Variants in WDR49 observed in about 807,000 individuals in gnomAD.
The protein encoded by WDR49 is cilia- and flagella-associated protein 337.
In WDR49, 107 loss-of-function variants were observed where a neutral mutation model predicts 119.5. That is an observed-to-expected ratio of 0.90 (90% CI 0.77 to 1.05). The LOEUF is 1.05. WDR49 is among the 50% of genes least tolerant of loss of function. WDR49 has a pLI of 0.00. For synonymous variants in WDR49, 425 were observed against 418.8 expected (o/e 1.01, Z -0.18); for missense variants, 1,240 against 1,220.5 (o/e 1.02, Z -0.24).
rs141513151 is a variant in WDR49, at chr3:167,502,743, A to T, written c.2885-2444T>A. Reference sequence around the variant, plus strand: ...AGAAGAAATTTCTACACAGCAGAGCACTCAAGATGTTCCCTGGCTGCTTCT... The same window carrying T: ...AGAAGAAATTTCTACACAGCAGAGCTCTCAAGATGTTCCCTGGCTGCTTCT... On this transcript the variant is annotated intron_variant, in intron 17 of 18. Coordinates refer to ENST00000682715, the MANE Select transcript of WDR49 (RefSeq NM_001366157.1). 1.3e-3 allele frequency among the ~76,000 whole-genome samples: 202 copies of T among 152,314 alleles called. 4 individuals are homozygous for T. The East Asian group carries it at 0.03, about 23-fold the overall frequency.
At chr3:167,619,738 T>C (rs574115052) in intron 5 of WDR49, among the ~76,000 whole-genome samples, 2 of 152,252 alleles carry the variant, frequency 1.3e-5, no homozygotes, top group South Asian at 4.1e-4. Flanking sequence ...AATTTAGAAG[T>C]GAGAAAATTA....
rs1022267844 is a variant in WDR49, at chr3:167,529,302, C to A, written c.2219-63G>T. ...CAACAAATGCCAGAAATAACTTCTT[C>A]AGTGGCTTTCCCTGTGGAAAGCATG... On this transcript the variant is annotated intron_variant, in intron 13 of 18. Coordinates refer to ENST00000682715, the MANE Select transcript of WDR49 (RefSeq NM_001366157.1). 7 of 1,442,112 alleles carry A rather than the reference C, an allele frequency of 4.9e-6. No individual in the cohort carries two copies. The African/African-American group carries it at 1.0e-4, about 21-fold the overall frequency. 89.3% of individuals were successfully genotyped at this position (1,442,112 alleles called of 1,614,324 possible).
intron 10 of WDR49, among the ~76,000 whole-genome samples, chr3:167,540,358 C>A (rs1711738154): frequency 6.6e-6 from 1 of 152,146 alleles, no homozygotes. Flanking sequence ...TGAATCACAT[C>A]AGAGGACTCT....
intron 16 of WDR49, among the ~76,000 whole-genome samples, chr3:167,512,791 A>T (rs181269529): frequency 1.1e-4 from 16 of 152,336 alleles, no homozygotes; most frequent in Admixed American, 9.2e-4. Flanking sequence ...TGAAAAACAC[A>T]AGAGAACTTC....
intron 18 of WDR49, among the ~76,000 whole-genome samples, chr3:167,492,119 G>T (rs1577194149): frequency 6.6e-6 from 1 of 151,454 alleles, no homozygotes; most frequent in East Asian, 1.9e-4. Flanking sequence ...ATGATAGTGT[G>T]CAGGAGAAAT....
intron 5 of WDR49, among the ~76,000 whole-genome samples, chr3:167,607,377 C>G (rs116970487): frequency 6.6e-6 from 1 of 152,126 alleles, no homozygotes; most frequent in Non-Finnish European, 1.5e-5. Context: ...CCCAACAGTA[C>G]GTTTCTTGCT....
chr3:167,527,912 G>T lies in WDR49; in HGVS notation c.2512C>A (p.Pro838Thr). 4 of 1,613,252 alleles carry T rather than the reference G, an allele frequency of 2.5e-6. No individual in the cohort carries two copies. The highest frequency in any genetic ancestry group is 3.4e-6 in the Non-Finnish European group (4 of 1,179,578). The change falls in exon 15 of 19, where the codon CCA (proline) becomes ACA (threonine). Residue 838 changes from proline (P) to threonine (T), a missense_variant. By Grantham distance (38) the Pro-to-Thr change is conservative. Transcript: ENST00000682715. Reference protein sequence around the residue: ...DRISSLEMCEPGGQLLIISSS... With the variant: ...DRISSLEMCETGGQLLIISSS... Reference sequence around the variant, plus strand: ...GAGATAATCAGTAACTGACCACCTGGCTCACACATCTCTAAGGAACTTATT... The same window carrying T: ...GAGATAATCAGTAACTGACCACCTGTCTCACACATCTCTAAGGAACTTATT...
Position 167,592,421 on chromosome 3 carries a change from ATTTCTT to A in WDR49, c.1275+9700_1275+9705del, listed in dbSNP as rs777784406. 4.2e-3 allele frequency among the ~76,000 whole-genome samples: 617 copies of A among 146,902 alleles called. 1 individual carries two copies. The highest frequency in any genetic ancestry group is 7.0e-3 in the Non-Finnish European group (467 of 66,740). On this transcript the variant is annotated intron_variant, in intron 7 of 18. Coordinates refer to ENST00000682715, the MANE Select transcript of WDR49 (RefSeq NM_001366157.1). ...CCACTGAGTTTTGTACCGTTAGATG[ATTTCTT>A]TTTCTTTTTCTTTTTTTTTTTTTTT... is the stretch of plus-strand genomic sequence containing the variant.
At chr3:167,617,760 T>C (rs1378155704) in intron 5 of WDR49, among the ~76,000 whole-genome samples, 2 of 152,128 alleles carry the variant, frequency 1.3e-5, no homozygotes, top group Non-Finnish European at 2.9e-5. Flanking sequence ...CCATTCCACA[T>C]TTTTAGACCT....
rs192495498 is a variant in WDR49 at position 167,576,699 on chromosome 3, G to C, written c.1276-548C>G. ...ATCCAAGGAAGCTTGAAAAGACAAAGGAATGGTTTCTCCCCCAGAGCCACC... is the reference window on the plus strand; with the variant it reads ...ATCCAAGGAAGCTTGAAAAGACAAACGAATGGTTTCTCCCCCAGAGCCACC... On this transcript the variant is annotated intron_variant, in intron 7 of 18. Coordinates refer to ENST00000682715, the MANE Select transcript of WDR49 (RefSeq NM_001366157.1). Among the ~76,000 whole-genome samples, 293 of 152,150 alleles carry C rather than the reference G, an allele frequency of 1.9e-3. 1 individual carries two copies. Among genetic ancestry groups the C allele is most frequent in the Non-Finnish European group, 3.1e-3 (213 of 67,986 alleles).
intron 10 of WDR49, 103 bp from the exon 11 acceptor site, chr3:167,537,103 T>C (rs903853185): frequency 1.1e-4 from 126 of 1,186,454 alleles, no homozygotes; most frequent in Non-Finnish European, 1.3e-4. Context: ...TTTAAAAGAC[T>C]ATGCTGCCCA....
At position 167,543,051 on chromosome 3, in the gene WDR49, G is replaced by T. The variant is rs145362389; in HGVS notation, c.1824-6051C>A. ...CAAACTGGACAATCCAGAGGATTTG[G>T]ATGCATTTCTGGAAATACACAATGC... is the stretch of plus-strand genomic sequence containing the variant. On this transcript the variant is annotated intron_variant, in intron 10 of 18. Coordinates refer to ENST00000682715, the MANE Select transcript of WDR49 (RefSeq NM_001366157.1). 4.5e-3 allele frequency among the ~76,000 whole-genome samples: 691 copies of T among 152,012 alleles called. 2 individuals are homozygous for T. Among genetic ancestry groups the T allele is most frequent in the African/African-American group, 0.016 (652 of 41,512 alleles).
intron 10 of WDR49, among the ~76,000 whole-genome samples, chr3:167,539,918 T>C (rs544343558): frequency 4.6e-5 from 7 of 152,068 alleles, no homozygotes; most frequent in Non-Finnish European, 8.8e-5. Context: ...GAATAATACC[T>C]ACCACGATAG....
chr3:167,574,392 T>C (rs1221295737), intron 8 of WDR49, among the ~76,000 whole-genome samples: 3 of 152,212 alleles, frequency 2.0e-5, no homozygotes, highest in African/African-American at 7.2e-5. Flanking sequence ...TTTTTATAAT[T>C]ATAAATGTAA....
chr3:167,635,965 A>AT (rs60802771), intron 2 of WDR49, among the ~76,000 whole-genome samples: 21 of 151,206 alleles, frequency 1.4e-4, no homozygotes, highest in Admixed American at 1.3e-4. Flanking sequence ...AATTAAAAAA[A>AT]TTTTTTTTTA....
chr3:167,533,371 T>C (rs1030043466), intron 11 of WDR49, among the ~76,000 whole-genome samples: 1 of 152,138 alleles, frequency 6.6e-6, no homozygotes, highest in African/African-American at 2.4e-5. Context: ...TTAATAATTT[T>C]ATTTATCTCA....
chr3:167,554,504 T>G, intron 10 of WDR49, 146 bp downstream of exon 10: 1 of 464,674 alleles, frequency 2.2e-6, no homozygotes, highest in Non-Finnish European at 3.8e-6. Flanking sequence ...CTTCTAATAT[T>G]TTATTCACTA....
At chr3:167,515,933 A>G (rs1752180337) in intron 16 of WDR49, among the ~76,000 whole-genome samples, 1 of 152,146 alleles carries the variant, frequency 6.6e-6, no homozygotes, top group South Asian at 2.1e-4. Context: ...AAGGAAAGTG[A>G]AGAACCCTCT....
At chr3:167,619,968 C>CAA (rs551189229) in intron 5 of WDR49, among the ~76,000 whole-genome samples, 3 of 140,464 alleles carry the variant, frequency 2.1e-5, no homozygotes, top group East Asian at 4.1e-4. Context: ...GTCATTACAT[C>CAA]AAAAAAAAAA....
Sources: allele counts gnomAD v4.1 joint callset (sites outside exome capture counted in the v4.1 genomes callset), GRCh38; gene constraint gnomAD v4.1.1; transcripts MANE v1.5; gene names NCBI Gene and HGNC (gene_info 2026-07-23, HGNC 2026-07-21).